The following CDC42SE2 variants were observed in gnomAD, a reference collection of about 807,000 sequenced individuals.
CDC42SE2 encodes CDC42 small effector protein 2.
CDC42SE2 carries 3 observed loss-of-function variants against 11.5 expected under a neutral mutation model. The ratio of observed to expected loss-of-function variants is 0.26; its 90% CI spans 0.12 to 0.67. The LOEUF is 0.67. Among genes scored for constraint, CDC42SE2 ranks in the 30% least tolerant of loss-of-function variants. The pLI, the probability that CDC42SE2 is intolerant of heterozygous loss-of-function variation, is 0.80. For missense variants in CDC42SE2, 82 were observed against 106.8 expected, an observed-to-expected ratio of 0.77 and a Z score of 1.02; for synonymous variants, 33 against 34.8, an observed-to-expected ratio of 0.95 and a Z score of 0.18.
chr5:131,357,803 T>A (rs1749595517), intron 2 of CDC42SE2, among the ~76,000 whole-genome samples: 1 of 152,224 alleles, frequency 6.6e-6, no homozygotes, highest in African/African-American at 2.4e-5. Context: ...GCTGCTTTCC[T>A]TTCACTCACT....
At chr5:131,332,056 T>G (rs1394918024) in intron 2 of CDC42SE2, among the ~76,000 whole-genome samples, 1 of 152,220 alleles carries the variant, frequency 6.6e-6, no homozygotes, top group African/African-American at 2.4e-5. Flanking sequence ...TGTGTTGGTG[T>G]GCTGCACCCA....
intron 1 of CDC42SE2, among the ~76,000 whole-genome samples, chr5:131,282,900 A>G (rs545010135): frequency 6.9e-6 from 1 of 145,398 alleles, no homozygotes; most frequent in South Asian, 2.2e-4. Flanking sequence ...AAGTCCTGGG[A>G]TTACAAGTGT....
At position 131,279,116 on chromosome 5, in the gene CDC42SE2, T is replaced by C. The variant is rs370053588; in HGVS notation, c.-455+14950T>C. ...GGCAATTTCTTATGGTTTAGTCTAG[T>C]AGAATTACTTATTTTGGTTTAAAGA... On this transcript the variant is annotated intron_variant, in intron 1 of 4. Coordinates refer to ENST00000505065, the MANE Select transcript of CDC42SE2 (RefSeq NM_001375635.1). 1.4e-4 allele frequency among the ~76,000 whole-genome samples: 21 copies of C among 152,220 alleles called. No homozygotes were observed. In the East Asian group the frequency reaches 1.7e-3, roughly 13 times the overall value.
At chr5:131,381,046 C>A (rs1306465724) in intron 3 of CDC42SE2, among the ~76,000 whole-genome samples, 1 of 152,222 alleles carries the variant, frequency 6.6e-6, no homozygotes, top group Non-Finnish European at 1.5e-5. Flanking sequence ...CTTGTACACA[C>A]TGCTGATTTT....
At chr5:131,293,155 A>C (rs1257224633) in intron 1 of CDC42SE2, among the ~76,000 whole-genome samples, 1 of 152,096 alleles carries the variant, frequency 6.6e-6, no homozygotes, top group Non-Finnish European at 1.5e-5. Flanking sequence ...ATAGGAGGTG[A>C]GGCCTTTGAG....
Position 131,393,563 on chromosome 5 carries a change from T to A in CDC42SE2, c.*2472T>A, listed in dbSNP as rs913141859. ...CATTGTGGAATTTGCCTGAGTACTG[T>A]TGTCATTCTGCTCAGCCAGGCACGG... On this transcript the variant is annotated 3_prime_UTR_variant, in exon 5 of 5. Transcript: ENST00000505065. 1.3e-5 allele frequency: 2 copies of A among 152,406 alleles called. No homozygotes were observed. The highest frequency in any genetic ancestry group is 1.3e-4 in the Admixed American group (2 of 15,284). The allele number at this position is 152,406 out of a possible 1,614,324, so 9.4% of individuals were successfully genotyped here.
In CDC42SE2 at chr5:131,297,515, C is replaced by G. The variant is rs1021811127; in HGVS notation, c.-454-18461C>G. On this transcript the variant is annotated intron_variant, in intron 1 of 4. Transcript: ENST00000505065. The stretch of plus-strand genomic sequence containing the variant: ...CGGGTGGATCACGAGGTCAGGAGAT[C>G]GAGACCATCCTGGCTAACATGATGA... 2.0e-5 allele frequency among the ~76,000 whole-genome samples: 3 copies of G among 152,024 alleles called. No homozygotes were observed. In the South Asian group the frequency reaches 6.2e-4, roughly 32 times the overall value.
intron 1 of CDC42SE2, among the ~76,000 whole-genome samples, chr5:131,302,175 G>T (rs6864413): frequency 0.77 from 115,504 of 150,234 alleles, 44,727 homozygotes; most frequent in African/African-American, 0.82. Context: ...GCCCGGCTAA[G>T]TTTTGGTTGC....
chr5:131,312,757 C>CTT, intron 1 of CDC42SE2, among the ~76,000 whole-genome samples: 1 of 152,212 alleles, frequency 6.6e-6, no homozygotes, highest in African/African-American at 2.4e-5. Flanking sequence ...TCCCTGACCC[C>CTT]TTGCACTTCC....
upstream of CDC42SE2, chr5:131,261,415 C>A (rs571116501): frequency 1.3e-5 from 2 of 152,190 alleles, no homozygotes; most frequent in South Asian, 4.1e-4. Context: ...AAACAAAAGT[C>A]TATTTAATTT....
upstream of CDC42SE2, among the ~76,000 whole-genome samples, chr5:131,243,349 G>A (rs1756554937): frequency 6.6e-6 from 1 of 152,202 alleles, no homozygotes; most frequent in Non-Finnish European, 1.5e-5. Flanking sequence ...GGAGGCCAAG[G>A]TGGGTGGATC....
At chr5:131,389,138 A>C (rs1191991267) in intron 4 of CDC42SE2, among the ~76,000 whole-genome samples, 1 of 152,168 alleles carries the variant, frequency 6.6e-6, no homozygotes, top group Non-Finnish European at 1.5e-5. Flanking sequence ...ACCTGGTCAT[A>C]AAGATGTTTT....
upstream of CDC42SE2, among the ~76,000 whole-genome samples, chr5:131,241,397 C>T (rs2149680704): frequency 6.6e-6 from 1 of 152,212 alleles, no homozygotes; most frequent in East Asian, 1.9e-4. Flanking sequence ...TTTCCTTATG[C>T]TATACCTCAG....
the CDC42SE2 span, among the ~76,000 whole-genome samples, chr5:131,217,910 T>A: frequency 2.0e-5 from 3 of 152,092 alleles, no homozygotes; most frequent in Admixed American, 1.3e-4. Context: ...CACAGTGGCT[T>A]ACACCTGTAA....
chr5:131,394,080 C>T lies in CDC42SE2; in HGVS notation c.*2989C>T, dbSNP rs1750773794. 1.3e-5 allele frequency: 2 copies of T among 152,290 alleles called. No individual in the cohort carries two copies. The highest frequency in any genetic ancestry group is 6.5e-5 in the Admixed American group (1 of 15,270). 9.4% of individuals were successfully genotyped at this position (152,290 alleles called of 1,614,324 possible). A position where few individuals can be genotyped will look rare whatever the true frequency, so the allele number is the denominator to read the frequency against. On this transcript the variant is annotated 3_prime_UTR_variant, in exon 5 of 5. Transcript: ENST00000505065. Reference sequence around the variant, plus strand: ...TAATTTTTTTTAGGGAGGCAGCTTTCCCACTTTTATAAAGGGGGTTGTAAA... The same window carrying T: ...TAATTTTTTTTAGGGAGGCAGCTTTTCCACTTTTATAAAGGGGGTTGTAAA...
At chr5:131,307,707 T>C (rs1757809241) in intron 1 of CDC42SE2, among the ~76,000 whole-genome samples, 1 of 152,186 alleles carries the variant, frequency 6.6e-6, no homozygotes, top group African/African-American at 2.4e-5. Flanking sequence ...TTCCTATTTC[T>C]CCACATCCTC....
intron 3 of CDC42SE2, among the ~76,000 whole-genome samples, chr5:131,368,144 T>G (rs1243783222): frequency 1.3e-5 from 2 of 150,200 alleles, no homozygotes; most frequent in Non-Finnish European, 2.9e-5. Flanking sequence ...TCCCAGCTAC[T>G]CAGGAGGCTG....
chr5:131,278,074 G>A (rs1757140730), intron 1 of CDC42SE2, among the ~76,000 whole-genome samples: 1 of 152,096 alleles, frequency 6.6e-6, no homozygotes, highest in South Asian at 2.1e-4. Context: ...ACTCACTGCA[G>A]CCTTTGGTCC....
chr5:131,262,202 AAT>A (rs1252781414), upstream of CDC42SE2, among the ~76,000 whole-genome samples: 2 of 151,530 alleles, frequency 1.3e-5, no homozygotes, highest in Non-Finnish European at 2.9e-5. Context: ...TTTTAGAATT[AAT>A]AGTCTTTATG....
Sources: gnomAD v4.1 joint callset for allele counts (sites outside exome capture counted in the v4.1 genomes callset) on GRCh38, gnomAD v4.1.1 for gene constraint, MANE v1.5 for transcripts, NCBI Gene and HGNC (gene_info 2026-07-23, HGNC 2026-07-21) for gene names.